The following MAD1L1 variants were observed in gnomAD, a reference collection of about 807,000 sequenced individuals.
MAD1L1 encodes the protein mitotic spindle assembly checkpoint protein MAD1.
Under a neutral mutation model 96.9 loss-of-function variants are expected in MAD1L1, and 95 were observed. The observed-to-expected ratio is 0.98, with a 90% CI of 0.83 to 1.16. MAD1L1 has a LOEUF of 1.16. Ranked by LOEUF, MAD1L1 falls within the 50% of genes most tolerant of loss-of-function variation. The probability of loss-of-function intolerance (pLI) is 0.00; values close to 1 mark genes in which losing one functional copy is unlikely to be tolerated. For synonymous variants in MAD1L1, 473 were observed against 396.6 expected, an observed-to-expected ratio of 1.19 and a Z score of -2.29; for missense variants, 1,007 against 954.4, an observed-to-expected ratio of 1.06 and a Z score of -0.73.
intron 12 of MAD1L1, among the ~76,000 whole-genome samples, chr7:2,057,964 CGG>C (rs1784450267): frequency 7.1e-6 from 1 of 141,226 alleles, no homozygotes; most frequent in Admixed American, 6.9e-5. Context: ...GAAGCAGGGC[CGG>C]AGAGGGAGTG....
chr7:1,854,837 C>A (rs527444912), intron 18 of MAD1L1, among the ~76,000 whole-genome samples: 14 of 152,344 alleles, frequency 9.2e-5, no homozygotes, highest in Admixed American at 9.1e-4. Flanking sequence ...GACGGACGCT[C>A]CCATTTCAAA....
rs574887648 is a variant in MAD1L1 at position 2,115,247 on chromosome 7, C to T, written c.1073+33905G>A. ...GTCAGAGGAGGCGCTGGACAGGGTCCCCACGTGTTCCAGGGTCAGAGGAGG... is the reference window on the plus strand; with the variant it reads ...GTCAGAGGAGGCGCTGGACAGGGTCTCCACGTGTTCCAGGGTCAGAGGAGG... On this transcript the variant is annotated intron_variant, in intron 11 of 18. Coordinates refer to ENST00000265854, the MANE Select transcript of MAD1L1 (RefSeq NM_001013836.2). Among the ~76,000 whole-genome samples, 3 of 152,026 alleles carry T rather than the reference C, an allele frequency of 2.0e-5. No homozygotes were observed. The South Asian group carries it at 6.2e-4, about 32-fold the overall frequency.
intron 4 of MAD1L1, among the ~76,000 whole-genome samples, chr7:2,224,378 A>T (rs1329046035): frequency 6.6e-6 from 1 of 152,142 alleles, no homozygotes; most frequent in Admixed American, 6.6e-5. Flanking sequence ...CCAGGCCATG[A>T]GCAAACGCCC....
chr7:1,982,575 C>T (rs1396295653), intron 14 of MAD1L1, among the ~76,000 whole-genome samples: 4 of 152,222 alleles, frequency 2.6e-5, no homozygotes, highest in African/African-American at 9.7e-5. Flanking sequence ...GCCCCCTTCA[C>T]TAAATTCCGA....
intron 18 of MAD1L1, among the ~76,000 whole-genome samples, chr7:1,876,592 G>C: frequency 6.6e-6 from 1 of 152,008 alleles, no homozygotes; most frequent in South Asian, 2.1e-4. Context: ...GGCTCACAGG[G>C]ACTTCTCGAT....
At chr7:1,950,815 G>C (rs372554634) in intron 16 of MAD1L1, among the ~76,000 whole-genome samples, 1 of 152,232 alleles carries the variant, frequency 6.6e-6, no homozygotes, top group Non-Finnish European at 1.5e-5. Context: ...AGAGCCCAGT[G>C]AGCACCGCGG....
At chr7:2,034,030 A>G (rs1783352766) in intron 12 of MAD1L1, among the ~76,000 whole-genome samples, 1 of 152,202 alleles carries the variant, frequency 6.6e-6, no homozygotes, top group Admixed American at 6.5e-5. Context: ...CTGGAGTTCA[A>G]GACTGCAGTG....
chr7:2,003,935 G>A (rs1781915403), intron 13 of MAD1L1, among the ~76,000 whole-genome samples: 1 of 152,220 alleles, frequency 6.6e-6, no homozygotes. Flanking sequence ...AGCTGGGACT[G>A]GGAACGGCAG....
At position 2,000,997 on chromosome 7, in the gene MAD1L1, G is replaced by A. The variant is rs570491154; in HGVS notation, c.1416+1068C>T. ...CCAACCCCATCCAACCCTGTCCCATGAGAAGGGCCTGTAACCATGGCCGCA... is the reference window on the plus strand; with the variant it reads ...CCAACCCCATCCAACCCTGTCCCATAAGAAGGGCCTGTAACCATGGCCGCA... On this transcript the variant is annotated intron_variant, in intron 14 of 18. Transcript: ENST00000265854. Among the ~76,000 whole-genome samples the A allele has an allele frequency of 1.6e-3, 243 of 152,322 alleles. 2 individuals carry two copies. The highest frequency in any genetic ancestry group is 5.5e-3 in the African/African-American group (228 of 41,568).
At chr7:1,832,861 G>A (rs1782776725) in intron 18 of MAD1L1, among the ~76,000 whole-genome samples, 1 of 151,958 alleles carries the variant, frequency 6.6e-6, no homozygotes, top group African/African-American at 2.4e-5. Flanking sequence ...CGAACTACTG[G>A]CCTCAAGTGA....
intron 11 of MAD1L1, among the ~76,000 whole-genome samples, chr7:2,081,647 C>T (rs1042070784): frequency 6.6e-5 from 10 of 152,260 alleles, no homozygotes; most frequent in African/African-American, 2.2e-4. Context: ...TTCTCTCTTC[C>T]GGGCTCTGTC....
At chr7:2,057,108 C>T (rs759249685) in intron 12 of MAD1L1, among the ~76,000 whole-genome samples, 3 of 152,244 alleles carry the variant, frequency 2.0e-5, no homozygotes, top group Non-Finnish European at 2.9e-5. Flanking sequence ...ACCGCCTCAA[C>T]GCGACTGACA....
intron 12 of MAD1L1, among the ~76,000 whole-genome samples, chr7:2,048,026 C>T (rs1390352626): frequency 6.6e-6 from 1 of 152,184 alleles, no homozygotes; most frequent in Non-Finnish European, 1.5e-5. Context: ...CACAAGTACA[C>T]ACGTATGGAC....
chr7:1,982,830 C>CT (rs1231102499), intron 14 of MAD1L1, among the ~76,000 whole-genome samples: 1 of 151,952 alleles, frequency 6.6e-6, no homozygotes, highest in African/African-American at 2.4e-5. Context: ...AGCACATGAC[C>CT]TTTTTTTTCA....
intron 15 of MAD1L1, among the ~76,000 whole-genome samples, chr7:1,967,042 G>A (rs1450096303): frequency 6.6e-6 from 1 of 152,200 alleles, no homozygotes; most frequent in African/African-American, 2.4e-5. Flanking sequence ...GATAATACCC[G>A]GGTCTCTTAC....
chr7:2,056,537 G>C (rs903103029), intron 12 of MAD1L1, among the ~76,000 whole-genome samples: 1 of 152,176 alleles, frequency 6.6e-6, no homozygotes, highest in African/African-American at 2.4e-5. Flanking sequence ...GGAAAGACGT[G>C]GAAGGAAGTA....
chr7:1,975,611 G>A (rs1403871528), intron 15 of MAD1L1, among the ~76,000 whole-genome samples: 1 of 152,194 alleles, frequency 6.6e-6, no homozygotes, highest in East Asian at 1.9e-4. Flanking sequence ...AGATTTGTTG[G>A]ATGAAAGATG....
chr7:1,856,620 G>T (rs1005617839), intron 18 of MAD1L1, among the ~76,000 whole-genome samples: 1 of 152,208 alleles, frequency 6.6e-6, no homozygotes, highest in Non-Finnish European at 1.5e-5. Flanking sequence ...CATTAATAAA[G>T]AAAAGTTCAG....
chr7:1,975,175 C>A (rs563217160), intron 15 of MAD1L1, among the ~76,000 whole-genome samples: 91 of 152,324 alleles, frequency 6.0e-4, no homozygotes, highest in Admixed American at 1.2e-3. Flanking sequence ...TGAAGCTGCT[C>A]GGGGGAGGGA....
Sources: gnomAD v4.1 joint callset for allele counts (sites outside exome capture counted in the v4.1 genomes callset) on GRCh38, gnomAD v4.1.1 for gene constraint, MANE v1.5 for transcripts, NCBI Gene and HGNC (gene_info 2026-07-23, HGNC 2026-07-21) for gene names.